CD96: variants seen among roughly 807,000 people sequenced by gnomAD.
CD96 encodes CD96 molecule.
Under a neutral mutation model 71.3 loss-of-function variants are expected in CD96, and 70 were observed. That is an observed-to-expected ratio of 0.98 (90% CI 0.81 to 1.20). CD96 has a LOEUF of 1.20. CD96 is among the 50% of genes most tolerant of loss of function. CD96 has a pLI of 0.00. For missense variants in CD96, 742 were observed against 677.5 expected (o/e 1.10, Z -1.06); for synonymous variants, 248 against 233.0 (o/e 1.06, Z -0.59).
At chr3:111,549,873 G>C (rs986456927) in intron 2 of CD96, among the ~76,000 whole-genome samples, 1 of 152,154 alleles carries the variant, frequency 6.6e-6, no homozygotes, top group African/African-American at 2.4e-5. Flanking sequence ...GAAGACGTTA[G>C]GTAAACTGGA....
intron 1 of CD96, among the ~76,000 whole-genome samples, chr3:111,544,195 A>G (rs966871650): frequency 1.1e-4 from 17 of 152,122 alleles, no homozygotes; most frequent in Non-Finnish European, 1.9e-4. Flanking sequence ...GCCAGGCTGG[A>G]GTGCAGTGGC....
intron 7 of CD96, among the ~76,000 whole-genome samples, chr3:111,604,953 CCT>C (rs1354182484): frequency 6.6e-6 from 1 of 152,148 alleles, no homozygotes; most frequent in East Asian, 1.9e-4. Flanking sequence ...AGTTTGCCAA[CCT>C]CTATTTTAAT....
At chr3:111,606,070 T>TA (rs1447481697) in intron 7 of CD96, among the ~76,000 whole-genome samples, 1 of 152,016 alleles carries the variant, frequency 6.6e-6, no homozygotes, top group Non-Finnish European at 1.5e-5. Flanking sequence ...AAATGTAAAA[T>TA]ATAAGTAAAA....
chr3:111,614,315 C>T (rs1938113119), intron 8 of CD96, among the ~76,000 whole-genome samples: 1 of 152,120 alleles, frequency 6.6e-6, no homozygotes, highest in Non-Finnish European at 1.5e-5. Flanking sequence ...GCTTGGGTCC[C>T]TCTTTATGGG....
In CD96 at chr3:111,549,316, TA is replaced by T. The variant is rs1934575906; in HGVS notation, c.418+3918del. Reference sequence around the variant, plus strand: ...ACAACTGGGTAGGCAGGGGAGATTTTAAAAGGTATTATGGCTGGAGCAGAGG... The same window carrying T: ...ACAACTGGGTAGGCAGGGGAGATTTTAAAGGTATTATGGCTGGAGCAGAGG... On this transcript the variant is annotated intron_variant, in intron 2 of 13. Coordinates refer to ENST00000352690, the MANE Select transcript of CD96 (RefSeq NM_005816.5). 3.3e-5 allele frequency among the ~76,000 whole-genome samples: 5 copies of T among 152,230 alleles called. No homozygotes were observed. In the South Asian group the frequency reaches 1.0e-3, roughly 32 times the overall value.
intron 8 of CD96, among the ~76,000 whole-genome samples, chr3:111,614,475 C>T (rs1276404935): frequency 6.6e-6 from 1 of 152,082 alleles, no homozygotes; most frequent in Admixed American, 6.5e-5. Flanking sequence ...TTCAGAAATC[C>T]CTGACTGTCC....
intron 2 of CD96, among the ~76,000 whole-genome samples, chr3:111,562,068 C>G (rs1011699671): frequency 6.6e-6 from 1 of 152,246 alleles, no homozygotes; most frequent in African/African-American, 2.4e-5. Flanking sequence ...TGCTTCGGCT[C>G]CCGCACGGTG....
intron 14 of CD96, among the ~76,000 whole-genome samples, chr3:111,660,728 A>C (rs1453162698): frequency 6.6e-6 from 1 of 152,232 alleles, no homozygotes. Flanking sequence ...ATGTACAACT[A>C]TCTGATCTTC....
chr3:111,545,120 C>T lies in CD96; in HGVS notation c.136C>T (p.Gln46Ter). 2 of 1,614,160 alleles carry T rather than the reference C, an allele frequency of 1.2e-6. No homozygotes were observed. The highest frequency in any genetic ancestry group is 1.1e-5 in the South Asian group (1 of 91,082). ...TGGCTCTGATGTCAACCTGACCTGC[C>T]AAACACAGACAGTAGGCTTCTTCGT... ...TLGSDVNLTC[Q>*]TQTVGFFVQM... is the part of the protein sequence containing the mutation. Residue 46 changes from glutamine to a stop codon, truncating the protein, a stop_gained, in exon 2 of 14, where the codon CAA (glutamine) becomes TAA (stop). Transcript: ENST00000352690. LOFTEE classifies it high-confidence loss of function.
chr3:111,610,667 T>G (rs1937875710), intron 8 of CD96, among the ~76,000 whole-genome samples: 1 of 152,218 alleles, frequency 6.6e-6, no homozygotes. Context: ...GAGTCCCAGC[T>G]GCATTCTCAG....
chr3:111,591,089 C>A (rs901162349), intron 5 of CD96, among the ~76,000 whole-genome samples: 2 of 151,976 alleles, frequency 1.3e-5, no homozygotes, highest in Non-Finnish European at 2.9e-5. Flanking sequence ...AAACAGATAC[C>A]AGAGGCCAGA....
In CD96 at chr3:111,649,592, C is replaced by T. The variant is rs1157075135; in HGVS notation, c.1602-106C>T. The T allele has an allele frequency of 1.1e-5, 9 of 809,476 alleles. No individual in the cohort carries two copies. In the Admixed American group the frequency reaches 1.5e-4, roughly 14 times the overall value. 50.1% of individuals were successfully genotyped at this position (809,476 alleles called of 1,614,324 possible). A position where few individuals can be genotyped will look rare whatever the true frequency, so the allele number is the denominator to read the frequency against. On this transcript the variant is annotated intron_variant, in intron 13 of 13. Transcript: ENST00000352690. ...AAGAACTGGGAGAGTATGTCTCTTT[C>T]TCATCAATCTGTGTTCTCCTTTAAA... is the stretch of plus-strand genomic sequence containing the variant.
chr3:111,610,372 G>A (rs978117926), intron 8 of CD96, among the ~76,000 whole-genome samples: 3 of 152,212 alleles, frequency 2.0e-5, no homozygotes, highest in African/African-American at 7.2e-5. Context: ...AAGGAAGTGA[G>A]ATGAAGTATG....
chr3:111,593,764 C>G, intron 5 of CD96: 1 of 1,614,220 alleles, frequency 6.2e-7, no homozygotes, highest in Non-Finnish European at 8.5e-7. Context: ...CCATGGTGCC[C>G]ACCTGCTCCA....
At chr3:111,595,832 G>A (rs1937230591) in intron 5 of CD96, among the ~76,000 whole-genome samples, 1 of 151,990 alleles carries the variant, frequency 6.6e-6, no homozygotes, top group African/African-American at 2.4e-5. Flanking sequence ...ATCAATAGAA[G>A]AAGAAAAAAC....
At chr3:111,616,363 C>G (rs1281310323) in intron 8 of CD96, among the ~76,000 whole-genome samples, 1 of 152,004 alleles carries the variant, frequency 6.6e-6, no homozygotes, top group African/African-American at 2.4e-5. Context: ...GGATATCTCC[C>G]TAAAGAAAAG....
At chr3:111,629,943 A>C (rs192802685) in intron 10 of CD96, among the ~76,000 whole-genome samples, 26 of 152,316 alleles carry the variant, frequency 1.7e-4, no homozygotes, top group South Asian at 1.2e-3. Context: ...TTAAGGCAGA[A>C]ATCAAGAAGT....
At chr3:111,616,345 A>C (rs1938236149) in intron 8 of CD96, among the ~76,000 whole-genome samples, 1 of 152,174 alleles carries the variant, frequency 6.6e-6, no homozygotes, top group African/African-American at 2.4e-5. Context: ...GGCTTTAGGG[A>C]ATGCAGAGGA....
chr3:111,567,137 A>G (rs771631524), intron 2 of CD96, among the ~76,000 whole-genome samples: 4 of 152,106 alleles, frequency 2.6e-5, no homozygotes, highest in Non-Finnish European at 2.9e-5. Context: ...ACCTAAAACT[A>G]CTCCAAAAAA....
Sources: allele counts gnomAD v4.1 joint callset (sites outside exome capture counted in the v4.1 genomes callset), GRCh38; gene constraint gnomAD v4.1.1; transcripts MANE v1.5; gene names NCBI Gene and HGNC (gene_info 2026-07-23, HGNC 2026-07-21).